PLEK: variants seen among roughly 807,000 people sequenced by gnomAD.
PLEK encodes the protein pleckstrin, also known as platelet 47 kDa protein.
In PLEK, 25 loss-of-function variants were observed where a neutral mutation model predicts 43.9. The observed-to-expected ratio is 0.57, with a 90% CI of 0.41 to 0.79. PLEK has a LOEUF of 0.79. PLEK is among the 30% of genes least tolerant of loss of function. The pLI, the probability that PLEK is intolerant of heterozygous loss-of-function variation, is 0.00. For synonymous variants in PLEK, 152 were observed against 144.4 expected (o/e 1.05, Z -0.38); for missense variants, 396 against 413.3 (o/e 0.96, Z 0.36).
At chr2:68,378,908 A>G (rs536210852) in intron 1 of PLEK, among the ~76,000 whole-genome samples, 1 of 152,118 alleles carries the variant, frequency 6.6e-6, no homozygotes, top group East Asian at 1.9e-4. Context: ...GGCAGAAGGA[A>G]CACGAGATCA....
chr2:68,370,493 T>G (rs1306965655), intron 1 of PLEK, among the ~76,000 whole-genome samples: 1 of 152,186 alleles, frequency 6.6e-6, no homozygotes, highest in Non-Finnish European at 1.5e-5. Flanking sequence ...TTTTATTTAT[T>G]TATGTATTTT....
chr2:68,380,237 C>A, intron 1 of PLEK, 91 bp from the exon 2 acceptor site: 1 of 1,068,642 alleles, frequency 9.4e-7, no homozygotes, highest in Non-Finnish European at 1.3e-6. Flanking sequence ...TAAAAACCAA[C>A]TGTAAGTAAA....
chr2:68,381,122 A>T (rs928089937), intron 3 of PLEK, among the ~76,000 whole-genome samples: 1 of 126,832 alleles, frequency 7.9e-6, no homozygotes, highest in Non-Finnish European at 1.6e-5. Context: ...AAATTCCCTC[A>T]TACTGGGTAC....
At chr2:68,371,818 T>A (rs1021895382) in intron 1 of PLEK, among the ~76,000 whole-genome samples, 5 of 152,120 alleles carry the variant, frequency 3.3e-5, no homozygotes, top group Non-Finnish European at 7.4e-5. Flanking sequence ...ACAGCCCACA[T>A]CAAATTGCTG....
At chr2:68,376,377 CAGT>C (rs1673501253) in intron 1 of PLEK, among the ~76,000 whole-genome samples, 1 of 152,072 alleles carries the variant, frequency 6.6e-6, no homozygotes, top group Non-Finnish European at 1.5e-5. Flanking sequence ...AAAAAAATTC[CAGT>C]AGAATGACAG....
intron 5 of PLEK, 62 bp downstream of exon 5, chr2:68,386,748 T>A (rs1016281137): frequency 7.6e-7 from 1 of 1,309,604 alleles, no homozygotes; most frequent in Non-Finnish European, 1.1e-6. Context: ...GATTCTAGAT[T>A]GATTTCAGTT....
intron 1 of PLEK, among the ~76,000 whole-genome samples, chr2:68,377,310 C>T (rs891971584): frequency 1.3e-5 from 2 of 152,112 alleles, no homozygotes; most frequent in South Asian, 2.1e-4. Flanking sequence ...TGGGTCAAAT[C>T]GTAGTTCTGT....
intron 4 of PLEK, among the ~76,000 whole-genome samples, chr2:68,385,838 C>T (rs929561543): frequency 2.0e-5 from 3 of 152,306 alleles, no homozygotes; most frequent in Non-Finnish European, 2.9e-5. Context: ...CCAGTAGTCT[C>T]GCAACTGACT....
intron 1 of PLEK, among the ~76,000 whole-genome samples, chr2:68,378,911 C>T (rs10187319): frequency 0.53 from 80,082 of 151,864 alleles, 22,658 homozygotes; most frequent in East Asian, 0.76. Context: ...AGAAGGAACA[C>T]GAGATCAGGA....
chr2:68,370,152 T>C (rs1673370916), intron 1 of PLEK, among the ~76,000 whole-genome samples: 1 of 152,278 alleles, frequency 6.6e-6, no homozygotes, highest in Non-Finnish European at 1.5e-5. Context: ...AGTTCTGCTT[T>C]AGATATGCAG....
At chr2:68,381,719 A>C (rs893929974) in intron 3 of PLEK, among the ~76,000 whole-genome samples, 2 of 152,200 alleles carry the variant, frequency 1.3e-5, no homozygotes, top group African/African-American at 2.4e-5. Context: ...GCATGACGAC[A>C]CAAGACTTGG....
chr2:68,382,452 G>C, intron 3 of PLEK, 90 bp from the exon 4 acceptor site: 1 of 748,070 alleles, frequency 1.3e-6, no homozygotes. Context: ...TCACCTCCCA[G>C]AGAGAACTTA....
At chr2:68,386,079 T>C (rs1474547476) in intron 4 of PLEK, among the ~76,000 whole-genome samples, 1 of 149,508 alleles carries the variant, frequency 6.7e-6, no homozygotes, top group African/African-American at 2.4e-5. Flanking sequence ...AAAGTTATTA[T>C]TTTTTTATTT....
intron 1 of PLEK, among the ~76,000 whole-genome samples, chr2:68,378,594 T>G (rs1165117943): frequency 6.6e-6 from 1 of 152,226 alleles, no homozygotes; most frequent in African/African-American, 2.4e-5. Context: ...CATTGTCATT[T>G]TTCCAAGAAT....
At chr2:68,389,613 G>A (rs976266960) in intron 6 of PLEK, among the ~76,000 whole-genome samples, 8 of 152,142 alleles carry the variant, frequency 5.3e-5, no homozygotes, top group Non-Finnish European at 7.4e-5. Flanking sequence ...TGGGACATTC[G>A]AATGGAAAAA....
rs998770387 is a variant in PLEK at position 68,386,032 on chromosome 2, C to CT, written c.473-462dup. 6.0e-5 allele frequency among the ~76,000 whole-genome samples: 9 copies of CT among 150,580 alleles called. No individual in the cohort carries two copies. The South Asian group carries it at 6.3e-4, about 11-fold the overall frequency. On this transcript the variant is annotated intron_variant, in intron 4 of 8. Transcript: ENST00000234313. ...ACCTATTTCTTTGATGCATGTGTTG[C>CT]TTTTTTTTAAGACAAAGACTTTATT...
intron 4 of PLEK, among the ~76,000 whole-genome samples, chr2:68,386,110 T>C (rs1673737044): frequency 6.6e-6 from 1 of 150,754 alleles, no homozygotes; most frequent in South Asian, 2.1e-4. Context: ...TTTATTTATT[T>C]ATTTTTTATT....
intron 1 of PLEK, among the ~76,000 whole-genome samples, chr2:68,373,364 T>C (rs1673445287): frequency 6.6e-6 from 1 of 152,044 alleles, no homozygotes; most frequent in African/African-American, 2.4e-5. Flanking sequence ...CACATCCTCC[T>C]CAGAGTCAGA....
At chr2:68,384,147 T>A (rs550129598) in intron 4 of PLEK, among the ~76,000 whole-genome samples, 4 of 149,394 alleles carry the variant, frequency 2.7e-5, no homozygotes, top group Admixed American at 2.0e-4. Context: ...CTGGTTTTTT[T>A]CTTCTTGTTC....
Sources: gnomAD v4.1 joint callset for allele counts (sites outside exome capture counted in the v4.1 genomes callset) on GRCh38, gnomAD v4.1.1 for gene constraint, MANE v1.5 for transcripts, NCBI Gene and HGNC (gene_info 2026-07-23, HGNC 2026-07-21) for gene names.